Variants in AFF3 observed in about 807,000 individuals in gnomAD.
The protein encoded by AFF3 is ALF transcription elongation factor 3, also known as AF4/FMR2 family member 3.
A neutral mutation model predicts 129.7 loss-of-function variants in AFF3; 32 were observed. That is an observed-to-expected ratio of 0.25 (90% CI 0.19 to 0.33). AFF3 has a LOEUF of 0.33. Ranked by LOEUF, AFF3 falls within the 10% of genes least tolerant of loss-of-function variation. AFF3 has a pLI of 1.00. For missense variants in AFF3, 1,373 were observed against 1,592.0 expected, an observed-to-expected ratio of 0.86 and a Z score of 2.34; for synonymous variants, 644 against 635.4, an observed-to-expected ratio of 1.01 and a Z score of -0.20.
chr2:99,922,221 G>C (rs1695907543), intron 7 of AFF3, among the ~76,000 whole-genome samples: 1 of 152,070 alleles, frequency 6.6e-6, no homozygotes, highest in African/African-American at 2.4e-5. Flanking sequence ...TTCACTCCTA[G>C]GGGTTTATAC....
intron 8 of AFF3, among the ~76,000 whole-genome samples, chr2:99,778,895 CGCGTGTGTGT>C (rs59496593): frequency 0.023 from 3,136 of 136,824 alleles, 70 homozygotes; most frequent in African/African-American, 0.069. Flanking sequence ...TGTGTGTGTG[CGCGTGTGTGT>C]GTGTGTGTGT....
chr2:100,042,296 C>T (rs947897315), intron 4 of AFF3, among the ~76,000 whole-genome samples: 1 of 152,226 alleles, frequency 6.6e-6, no homozygotes, highest in Non-Finnish European at 1.5e-5. Context: ...TGCTGCCTTT[C>T]ACCTGCAATC....
intron 8 of AFF3, among the ~76,000 whole-genome samples, chr2:99,753,342 C>G (rs945739111): frequency 6.6e-6 from 1 of 152,162 alleles, no homozygotes; most frequent in African/African-American, 2.4e-5. Flanking sequence ...TCGGGTGACC[C>G]GCCCACCTTG....
chr2:100,029,466 G>A (rs1346341437), intron 4 of AFF3, among the ~76,000 whole-genome samples: 1 of 152,118 alleles, frequency 6.6e-6, no homozygotes, highest in Non-Finnish European at 1.5e-5. Context: ...TAAGCCACCC[G>A]GTCGGTGGCA....
chr2:99,548,894 C>G lies in AFF3; in HGVS notation c.*2580G>C, dbSNP rs1026009455. The G allele has an allele frequency of 8.9e-6, 2 of 224,822 alleles. No homozygotes were observed. Among genetic ancestry groups the G allele is most frequent in the Non-Finnish European group, 1.7e-5 (2 of 117,722 alleles). The allele number at this position is 224,822 out of a possible 1,614,324, so 13.9% of individuals were successfully genotyped here. ...ACAGAAACTGCTGTACCAACGTGCT[C>G]CACACGTGCTCCACAGATGAAACAA... On this transcript the variant is annotated 3_prime_UTR_variant, in exon 25 of 25. Transcript: ENST00000672756.
intron 13 of AFF3, among the ~76,000 whole-genome samples, chr2:99,609,534 T>C (rs183588317): frequency 6.6e-6 from 1 of 152,326 alleles, no homozygotes; most frequent in East Asian, 1.9e-4. Flanking sequence ...TCCAGACCCA[T>C]CCAGGTTGCT....
At chr2:99,627,879 T>C (rs1051379002) in intron 13 of AFF3, among the ~76,000 whole-genome samples, 2 of 151,862 alleles carry the variant, frequency 1.3e-5, no homozygotes, top group African/African-American at 4.9e-5. Flanking sequence ...TATAGGTGTA[T>C]GGCCTTTTTT....
rs377540730 is a variant in AFF3 at position 99,558,908 on chromosome 2, T to G, written c.3252A>C (p.Val1084=). The G allele has an allele frequency of 5.6e-6, 9 of 1,614,052 alleles. No individual in the cohort carries two copies. In the African/African-American group the frequency reaches 1.2e-4, roughly 22 times the overall value. The change falls in exon 22 of 25, where the codon GTA becomes GTC. Residue 1084 remains valine, a synonymous_variant. Transcript: ENST00000672756. ...AGTCGATTAGTGCTTTTGAATACTT[T>G]ACAGCGTGGTCCCTTTTGAGTCGAA... The part of the protein sequence containing the change: ...RMFRLKRDHA[V]KYSKALIDYF...
At chr2:99,987,673 A>G (rs1679988673) in intron 7 of AFF3, among the ~76,000 whole-genome samples, 1 of 152,204 alleles carries the variant, frequency 6.6e-6, no homozygotes, top group African/African-American at 2.4e-5. Context: ...ATTCATTCTT[A>G]CAGTGTGTAC....
intron 4 of AFF3, among the ~76,000 whole-genome samples, chr2:100,032,532 C>T (rs1684585197): frequency 6.6e-6 from 1 of 152,054 alleles, no homozygotes; most frequent in Non-Finnish European, 1.5e-5. Context: ...AAGTTATAAC[C>T]AATTCAATGA....
intron 8 of AFF3, among the ~76,000 whole-genome samples, chr2:99,762,559 C>G (rs1682705132): frequency 6.6e-6 from 1 of 152,146 alleles, no homozygotes; most frequent in African/African-American, 2.4e-5. Flanking sequence ...TCTAATAATG[C>G]TCTTGTAACT....
At chr2:99,819,672 C>G (rs1451587667) in intron 8 of AFF3, among the ~76,000 whole-genome samples, 2 of 152,106 alleles carry the variant, frequency 1.3e-5, no homozygotes, top group African/African-American at 4.8e-5. Flanking sequence ...TAGCTTTTTT[C>G]CTTGCAAAAT....
intron 4 of AFF3, among the ~76,000 whole-genome samples, chr2:100,019,478 C>T (rs1276301482): frequency 1.3e-5 from 2 of 152,132 alleles, no homozygotes; most frequent in South Asian, 2.1e-4. Context: ...CCAACCATCA[C>T]GGTTCTCCAC....
chr2:99,891,828 A>AT (rs71376502), intron 7 of AFF3, among the ~76,000 whole-genome samples: 33,144 of 146,968 alleles, frequency 0.23, 3,996 homozygotes, highest in East Asian at 0.48. Context: ...CCACCAGCAC[A>AT]TTTTTTTTTT....
At chr2:99,727,873 A>C (rs1329300393) in intron 10 of AFF3, among the ~76,000 whole-genome samples, 2 of 152,074 alleles carry the variant, frequency 1.3e-5, no homozygotes, top group Non-Finnish European at 2.9e-5. Context: ...GGAGGAGAGA[A>C]TTTTTACTGA....
intron 7 of AFF3, among the ~76,000 whole-genome samples, chr2:99,839,757 A>G (rs960861531): frequency 9.9e-5 from 15 of 151,858 alleles, no homozygotes; most frequent in Admixed American, 1.3e-4. Context: ...AACTACAGGC[A>G]TGTATCACCA....
At chr2:99,556,120 T>C (rs993955537) in intron 22 of AFF3, among the ~76,000 whole-genome samples, 1 of 152,098 alleles carries the variant, frequency 6.6e-6, no homozygotes, top group East Asian at 1.9e-4. Flanking sequence ...GGAGAAAGGC[T>C]TGGGGGTTGC....
At chr2:99,843,642 C>T (rs1387975711) in intron 7 of AFF3, among the ~76,000 whole-genome samples, 1 of 152,146 alleles carries the variant, frequency 6.6e-6, no homozygotes, top group African/African-American at 2.4e-5. Flanking sequence ...AATAAGTCAA[C>T]TGTATTTATA....
At chr2:100,140,906 C>A (rs1429738349) in intron 1 of AFF3, among the ~76,000 whole-genome samples, 3 of 152,154 alleles carry the variant, frequency 2.0e-5, no homozygotes, top group African/African-American at 7.2e-5. Flanking sequence ...CACACACCAC[C>A]TCCCACCTTT....
Sources: gnomAD v4.1 joint callset for allele counts (sites outside exome capture counted in the v4.1 genomes callset) on GRCh38, gnomAD v4.1.1 for gene constraint, MANE v1.5 for transcripts, NCBI Gene and HGNC (gene_info 2026-07-23, HGNC 2026-07-21) for gene names.